The following LARGE1 variants were observed in gnomAD, a reference collection of about 807,000 sequenced individuals.
LARGE1 encodes xylosyl- and glucuronyltransferase LARGE1.
LARGE1 carries 43 observed loss-of-function variants against 87.6 expected under a neutral mutation model. That is an observed-to-expected ratio of 0.49 (90% CI 0.38 to 0.63). LARGE1 has a LOEUF of 0.63. Ranked by LOEUF, LARGE1 falls within the 30% of genes least tolerant of loss-of-function variation. The pLI, the probability that LARGE1 is intolerant of heterozygous loss-of-function variation, is 0.00. For missense variants in LARGE1, 802 were observed against 1,000.2 expected, an observed-to-expected ratio of 0.80 and a Z score of 2.67; for synonymous variants, 434 against 394.6, an observed-to-expected ratio of 1.10 and a Z score of -1.18.
intron 3 of LARGE1, among the ~76,000 whole-genome samples, chr22:33,641,486 C>T (rs372454575): frequency 2.6e-5 from 4 of 152,116 alleles, no homozygotes; most frequent in South Asian, 2.1e-4. Context: ...CCCAAATGAT[C>T]GCAACTCCTC....
intron 11 of LARGE1, among the ~76,000 whole-genome samples, chr22:33,308,836 C>A (rs951599122): frequency 6.6e-6 from 1 of 152,126 alleles, no homozygotes; most frequent in Admixed American, 6.5e-5. Context: ...AGACTCAGGG[C>A]AGTTTGTGAA....
chr22:33,348,722 T>G (rs1003610730), intron 9 of LARGE1, among the ~76,000 whole-genome samples: 3 of 152,062 alleles, frequency 2.0e-5, no homozygotes, highest in Non-Finnish European at 4.4e-5. Flanking sequence ...TTTTGTTTTT[T>G]TTTTTGGCTC....
chr22:33,609,415 A>G (rs1389166572), intron 4 of LARGE1, among the ~76,000 whole-genome samples: 3 of 152,216 alleles, frequency 2.0e-5, no homozygotes, highest in African/African-American at 7.2e-5. Context: ...AAGGAGGAGC[A>G]CAAAAGCTAC....
intron 2 of LARGE1, among the ~76,000 whole-genome samples, chr22:33,692,245 T>C (rs1332709506): frequency 2.6e-5 from 4 of 152,216 alleles, no homozygotes; most frequent in African/African-American, 9.6e-5. Flanking sequence ...AAACTATTCA[T>C]GCAGCCATCA....
chr22:33,632,984 T>TCAA (rs2080156164), intron 3 of LARGE1, among the ~76,000 whole-genome samples: 2 of 152,154 alleles, frequency 1.3e-5, no homozygotes, highest in African/African-American at 4.8e-5. Context: ...CTGTACTTGA[T>TCAA]GATACAGGTA....
At chr22:33,070,622 C>T in the LARGE1 span, among the ~76,000 whole-genome samples, 2 of 152,178 alleles carry the variant, frequency 1.3e-5, no homozygotes, top group Non-Finnish European at 2.9e-5. Flanking sequence ...CCTCCAAAAG[C>T]TCTTGTTCTG....
the LARGE1 span, among the ~76,000 whole-genome samples, chr22:33,136,560 A>AT: frequency 1.3e-4 from 19 of 151,930 alleles, no homozygotes; most frequent in Non-Finnish European, 1.8e-4. Context: ...ACAAAGCAAT[A>AT]TTTTTTTTAC....
intron 6 of LARGE1, among the ~76,000 whole-genome samples, chr22:33,534,212 G>A (rs1056239896): frequency 1.3e-5 from 2 of 152,044 alleles, no homozygotes; most frequent in African/African-American, 2.4e-5. Context: ...AGACCATCCT[G>A]GCCAGCACGG....
intron 6 of LARGE1, among the ~76,000 whole-genome samples, chr22:33,469,723 GAGGCTA>G (rs1309648271): frequency 6.6e-6 from 1 of 151,726 alleles, no homozygotes; most frequent in Non-Finnish European, 1.5e-5. Flanking sequence ...AGCTACTCGA[GAGGCTA>G]AGGCAGGGGA....
At chr22:33,489,383 G>A (rs1234297015) in intron 6 of LARGE1, among the ~76,000 whole-genome samples, 2 of 152,196 alleles carry the variant, frequency 1.3e-5, no homozygotes, top group Non-Finnish European at 2.9e-5. Context: ...GCAGGGCAGT[G>A]TTCTGAGCAC....
chr22:33,349,553 A>AG, intron 9 of LARGE1, among the ~76,000 whole-genome samples: 1 of 152,306 alleles, frequency 6.6e-6, no homozygotes, highest in East Asian at 1.9e-4. Flanking sequence ...TGCATGCAAA[A>AG]GGAGGCTTGG....
intron 6 of LARGE1, among the ~76,000 whole-genome samples, chr22:33,487,921 A>G (rs908979813): frequency 2.6e-5 from 4 of 152,218 alleles, no homozygotes; most frequent in African/African-American, 4.8e-5. Flanking sequence ...ATTAAGCATT[A>G]ACTAGAAGCC....
At chr22:33,602,610 C>G (rs905701849) in intron 5 of LARGE1, among the ~76,000 whole-genome samples, 2 of 152,122 alleles carry the variant, frequency 1.3e-5, no homozygotes, top group African/African-American at 2.4e-5. Context: ...ATCAAGTGAT[C>G]CCCCTGCCCT....
chr22:33,560,038 T>TC (rs2077808853), intron 6 of LARGE1, among the ~76,000 whole-genome samples: 2 of 152,084 alleles, frequency 1.3e-5, no homozygotes, highest in Admixed American at 6.6e-5. Flanking sequence ...CTCTTACTCC[T>TC]CTTCAAGGGA....
At chr22:33,677,981 A>G (rs979867818) in intron 2 of LARGE1, among the ~76,000 whole-genome samples, 6 of 152,244 alleles carry the variant, frequency 3.9e-5, no homozygotes, top group South Asian at 2.1e-4. Flanking sequence ...AATGTGTCTA[A>G]TATCAGGAAA....
intron 11 of LARGE1, among the ~76,000 whole-genome samples, chr22:33,190,086 A>G (rs1279655599): frequency 1.3e-5 from 2 of 152,232 alleles, no homozygotes; most frequent in African/African-American, 4.8e-5. Context: ...CAATGAGAAT[A>G]GATGTGTAGC....
intron 10 of LARGE1, among the ~76,000 whole-genome samples, chr22:33,318,058 C>T: frequency 6.6e-6 from 1 of 151,648 alleles, no homozygotes. Context: ...AAGATGGTGA[C>T]ACCCCGTCTC....
chr22:33,639,678 T>C (rs997328406), intron 3 of LARGE1, among the ~76,000 whole-genome samples: 1 of 152,180 alleles, frequency 6.6e-6, no homozygotes, highest in Non-Finnish European at 1.5e-5. Context: ...CCAGTTCCAG[T>C]GACTGTTTTT....
intron 6 of LARGE1, among the ~76,000 whole-genome samples, chr22:33,434,489 C>G (rs34484650): frequency 6.6e-6 from 1 of 151,938 alleles, no homozygotes; most frequent in Non-Finnish European, 1.5e-5. Context: ...TTAGTAGAGA[C>G]GGGGTTTCAC....
Sources: gnomAD v4.1 joint callset for allele counts (sites outside exome capture counted in the v4.1 genomes callset) on GRCh38, gnomAD v4.1.1 for gene constraint, MANE v1.5 for transcripts, NCBI Gene and HGNC (gene_info 2026-07-23, HGNC 2026-07-21) for gene names.